Variants in SSBP2 observed in about 807,000 individuals in gnomAD.
The protein encoded by SSBP2 is single stranded DNA binding protein 2.
In SSBP2, 17 loss-of-function variants were observed where a neutral mutation model predicts 61.8. The ratio of observed to expected loss-of-function variants is 0.28; its 90% CI spans 0.19 to 0.41. SSBP2 has a LOEUF of 0.41. Ranked by LOEUF, SSBP2 falls within the 10% of genes least tolerant of loss-of-function variation. The probability of loss-of-function intolerance (pLI) is 1.00; values close to 1 mark genes in which losing one functional copy is unlikely to be tolerated. For missense variants in SSBP2, 310 were observed against 458.7 expected (o/e 0.68, Z 2.96); for synonymous variants, 139 against 141.3 (o/e 0.98, Z 0.12).
intron 1 of SSBP2, among the ~76,000 whole-genome samples, chr5:81,688,767 A>G (rs1463755172): frequency 6.6e-6 from 1 of 152,130 alleles, no homozygotes; most frequent in Non-Finnish European, 1.5e-5. Flanking sequence ...AGGCACAACA[A>G]GCCCAAATTG....
At chr5:81,641,023 A>G (rs1195501639) in intron 2 of SSBP2, among the ~76,000 whole-genome samples, 1 of 152,218 alleles carries the variant, frequency 6.6e-6, no homozygotes, top group Non-Finnish European at 1.5e-5. Context: ...CTGTGAAATA[A>G]ATAGATTTTA....
At chr5:81,608,755 CCTTGA>C (rs1745134019) in intron 4 of SSBP2, among the ~76,000 whole-genome samples, 1 of 151,764 alleles carries the variant, frequency 6.6e-6, no homozygotes, top group African/African-American at 2.4e-5. Flanking sequence ...AACCAAGAAC[CCTTGA>C]GAATTCTAGA....
At chr5:81,531,116 T>C (rs970303187) in intron 4 of SSBP2, among the ~76,000 whole-genome samples, 8 of 150,664 alleles carry the variant, frequency 5.3e-5, no homozygotes, top group Non-Finnish European at 8.8e-5. Flanking sequence ...TGCATGCCTA[T>C]AGTCCCAGCT....
chr5:81,553,077 C>A (rs561878003), intron 4 of SSBP2, among the ~76,000 whole-genome samples: 1 of 152,260 alleles, frequency 6.6e-6, no homozygotes, highest in Non-Finnish European at 1.5e-5. Context: ...AATTCTCATT[C>A]AACCCTAACA....
intron 1 of SSBP2, among the ~76,000 whole-genome samples, chr5:81,710,191 G>T (rs1393699952): frequency 6.6e-6 from 1 of 152,064 alleles, no homozygotes; most frequent in East Asian, 1.9e-4. Flanking sequence ...GGTAACCATG[G>T]TCCAATTATA....
intron 1 of SSBP2, chr5:81,710,661 T>C (rs770163006): frequency 7.3e-5 from 33 of 452,514 alleles, no homozygotes; most frequent in South Asian, 2.2e-4. Context: ...CACATTTCCA[T>C]AGAAACAAAA....
intron 15 of SSBP2, among the ~76,000 whole-genome samples, chr5:81,434,895 A>T (rs1213728828): frequency 1.3e-5 from 2 of 152,098 alleles, no homozygotes; most frequent in Non-Finnish European, 2.9e-5. Context: ...TCAGTCTGGG[A>T]GTGGAAAGAG....
intron 9 of SSBP2, among the ~76,000 whole-genome samples, chr5:81,466,368 C>T (rs1395507897): frequency 1.3e-5 from 2 of 152,046 alleles, no homozygotes; most frequent in Non-Finnish European, 1.5e-5. Context: ...ATTTAGTTTA[C>T]TCCTTATCTA....
intron 5 of SSBP2, among the ~76,000 whole-genome samples, chr5:81,490,359 T>C (rs539567847): frequency 2.0e-5 from 3 of 152,154 alleles, no homozygotes; most frequent in Admixed American, 6.5e-5. Context: ...TTTTTATTTA[T>C]TTTTCTAGAA....
At chr5:81,529,803 T>C (rs1035527114) in intron 4 of SSBP2, among the ~76,000 whole-genome samples, 3 of 152,136 alleles carry the variant, frequency 2.0e-5, no homozygotes, top group African/African-American at 7.2e-5. Flanking sequence ...ATTCATGATA[T>C]GAGCCCAATT....
intron 16 of SSBP2, among the ~76,000 whole-genome samples, chr5:81,426,656 G>A (rs1357866060): frequency 1.3e-5 from 2 of 152,166 alleles, no homozygotes; most frequent in Non-Finnish European, 2.9e-5. Flanking sequence ...GAGAAGCTGG[G>A]GCTTATTCTG....
intron 4 of SSBP2, among the ~76,000 whole-genome samples, chr5:81,592,276 G>C (rs998530057): frequency 6.6e-6 from 1 of 152,222 alleles, no homozygotes. Context: ...AGGCAGCAGC[G>C]AGGATGGGGG....
chr5:81,429,252 A>C (rs946336901), intron 15 of SSBP2, among the ~76,000 whole-genome samples: 5 of 152,328 alleles, frequency 3.3e-5, no homozygotes, highest in South Asian at 4.1e-4. Flanking sequence ...TTTATTATGT[A>C]CTCTTAGAGG....
intron 4 of SSBP2, among the ~76,000 whole-genome samples, chr5:81,534,382 C>T (rs1231063582): frequency 1.3e-5 from 2 of 152,050 alleles, no homozygotes; most frequent in African/African-American, 4.8e-5. Context: ...CAGAATCAGA[C>T]TCAGATAAGG....
intron 4 of SSBP2, among the ~76,000 whole-genome samples, chr5:81,527,602 A>C (rs1353577360): frequency 1.3e-5 from 2 of 152,048 alleles, no homozygotes; most frequent in African/African-American, 4.8e-5. Context: ...TATTTTTAGA[A>C]GGTATTTCCA....
chr5:81,527,677 G>T (rs1465220123), intron 4 of SSBP2, among the ~76,000 whole-genome samples: 1 of 151,718 alleles, frequency 6.6e-6, no homozygotes, highest in Non-Finnish European at 1.5e-5. Flanking sequence ...TTAAATTAAT[G>T]TGTTCTAATG....
intron 16 of SSBP2, among the ~76,000 whole-genome samples, chr5:81,423,745 A>G (rs1761764945): frequency 7.0e-6 from 1 of 142,158 alleles, no homozygotes; most frequent in East Asian, 2.0e-4. Flanking sequence ...ACTCCGTCTC[A>G]AAAAAAAAAA....
chr5:81,589,718 G>A (rs1253034674), intron 4 of SSBP2, among the ~76,000 whole-genome samples: 1 of 152,172 alleles, frequency 6.6e-6, no homozygotes, highest in Non-Finnish European at 1.5e-5. Flanking sequence ...GAACGCCAGA[G>A]ACAGTATTTT....
intron 4 of SSBP2, among the ~76,000 whole-genome samples, chr5:81,591,296 C>T (rs1449204202): frequency 6.6e-6 from 1 of 152,130 alleles, no homozygotes; most frequent in African/African-American, 2.4e-5. Context: ...CATTAAAGAA[C>T]CGGAAAAAGA....
Sources: allele counts gnomAD v4.1 joint callset (sites outside exome capture counted in the v4.1 genomes callset), GRCh38; gene constraint gnomAD v4.1.1; transcripts MANE v1.5; gene names NCBI Gene and HGNC (gene_info 2026-07-23, HGNC 2026-07-21).